Variants in CHRM3 observed in about 807,000 individuals in gnomAD.
The protein encoded by CHRM3 is muscarinic acetylcholine receptor M3.
CHRM3 carries 11 observed loss-of-function variants against 41.8 expected under a neutral mutation model. The observed-to-expected ratio is 0.26, with a 90% CI of 0.17 to 0.44. The LOEUF (loss-of-function observed/expected upper bound fraction) is 0.44, where lower values mean the gene tolerates loss of function less well. Among genes scored for constraint, CHRM3 ranks in the 20% least tolerant of loss-of-function variants. The probability of loss-of-function intolerance (pLI) is 1.00; values close to 1 mark genes in which losing one functional copy is unlikely to be tolerated. For synonymous variants in CHRM3, 297 were observed against 301.4 expected, an observed-to-expected ratio of 0.99 and a Z score of 0.15; for missense variants, 571 against 745.4, an observed-to-expected ratio of 0.77 and a Z score of 2.72.
chr1:239,581,470 G>GATGT (rs1662895940), intron 3 of CHRM3, among the ~76,000 whole-genome samples: 1 of 72,078 alleles, frequency 1.4e-5, no homozygotes, highest in Non-Finnish European at 2.8e-5. Flanking sequence ...GGGTGGGGGG[G>GATGT]ATGTATGTAT....
chr1:239,804,350 T>TA (rs111355268), intron 5 of CHRM3, among the ~76,000 whole-genome samples: 2,064 of 151,804 alleles, frequency 0.014, 48 homozygotes, highest in African/African-American at 0.045. Flanking sequence ...GTGTTTTTTT[T>TA]TTATTATTAT....
At chr1:239,807,839 CACACACAT>C (rs961102805) in intron 5 of CHRM3, among the ~76,000 whole-genome samples, 2 of 151,254 alleles carry the variant, frequency 1.3e-5, no homozygotes, top group African/African-American at 2.4e-5. Context: ...CACACACACA[CACACACAT>C]ACACACACAC....
intron 4 of CHRM3, among the ~76,000 whole-genome samples, chr1:239,640,550 T>C (rs376040116): frequency 1.8e-4 from 27 of 152,250 alleles, no homozygotes; most frequent in South Asian, 1.5e-3. Context: ...AGTTTATTTG[T>C]GTAGAGGTGT....
At chr1:239,894,337 TGTG>T (rs749202961) in intron 6 of CHRM3, among the ~76,000 whole-genome samples, 1 of 152,228 alleles carries the variant, frequency 6.6e-6, no homozygotes, top group Non-Finnish European at 1.5e-5. Context: ...GTGGATGCCT[TGTG>T]GTGGCCGCCT....
chr1:239,796,135 A>G (rs1036191603), intron 5 of CHRM3, among the ~76,000 whole-genome samples: 2 of 152,144 alleles, frequency 1.3e-5, no homozygotes, highest in African/African-American at 4.8e-5. Flanking sequence ...TATATTAAAT[A>G]CATACCTAGA....
At chr1:239,476,789 G>A (rs1020519069) in intron 1 of CHRM3, among the ~76,000 whole-genome samples, 4 of 152,092 alleles carry the variant, frequency 2.6e-5, no homozygotes, top group African/African-American at 9.7e-5. Flanking sequence ...TATGCTCAAT[G>A]TTTTCTTCAA....
intron 3 of CHRM3, among the ~76,000 whole-genome samples, chr1:239,578,053 A>G (rs1662537773): frequency 6.6e-6 from 1 of 152,170 alleles, no homozygotes; most frequent in African/African-American, 2.4e-5. Context: ...AGAATGGAAA[A>G]CTAATGGTTT....
At chr1:239,448,296 G>A (rs989171081) in intron 1 of CHRM3, among the ~76,000 whole-genome samples, 11 of 152,128 alleles carry the variant, frequency 7.2e-5, no homozygotes, top group Non-Finnish European at 1.6e-4. Context: ...GGTTCTGTAA[G>A]GGAGATGCAA....
rs373631488 is a variant in CHRM3, at chr1:239,695,263, G to GC, written c.-147+16977dup. On this transcript the variant is annotated intron_variant, in intron 5 of 6. Transcript: ENST00000676153. ...CTGACCTCGTGATCCACCCGCCTCC[G>GC]CCTCCCAAAGTGCTGGGATTACAGG... Among the ~76,000 whole-genome samples the GC allele has an allele frequency of 5.0e-3, 768 of 152,148 alleles. 4 individuals carry two copies. Among genetic ancestry groups the GC allele is most frequent in the African/African-American group, 0.018 (741 of 41,528 alleles).
rs76807132 is a variant in CHRM3, at chr1:239,648,598, C to T, written c.-250+16312C>T. Among the ~76,000 whole-genome samples, 7 of 152,084 alleles carry T rather than the reference C, an allele frequency of 4.6e-5. No individual in the cohort carries two copies. In the East Asian group the frequency reaches 1.4e-3, roughly 29 times the overall value. On this transcript the variant is annotated intron_variant, in intron 4 of 6. Transcript: ENST00000676153. ...GATGAGGGGGAATTCTGGAGAGGAG[C>T]GAGCAAAAGGGAATATGGTGATTTC...
At chr1:239,624,504 T>C (rs1668815596) in intron 3 of CHRM3, among the ~76,000 whole-genome samples, 1 of 144,154 alleles carries the variant, frequency 6.9e-6, no homozygotes, top group Non-Finnish European at 1.5e-5. Context: ...TTGAGTTTAA[T>C]TAGATCCCAT....
rs1331340359 is a variant in CHRM3, at chr1:239,684,764, AAG to A, written c.-147+6478_-147+6479del. Among the ~76,000 whole-genome samples the A allele has an allele frequency of 2.7e-5, 4 of 145,470 alleles. No individual in the cohort carries two copies. The East Asian group carries it at 8.0e-4, about 29-fold the overall frequency. On this transcript the variant is annotated intron_variant, in intron 5 of 6. Coordinates refer to ENST00000676153, the MANE Select transcript of CHRM3 (RefSeq NM_001375978.1). ...AGAAAGAAAGAGAAAGAAAGAAAGAAAGAAAGAGAAAGAGAAAGAAAAGAGAA... is the reference window on the plus strand; with the variant it reads ...AGAAAGAAAGAGAAAGAAAGAAAGAAAAAGAGAAAGAGAAAGAAAAGAGAA...
Position 239,596,555 on chromosome 1 carries a change from C to T in CHRM3, c.-312-35669C>T, listed in dbSNP as rs191366824. Reference sequence around the variant, plus strand: ...GCAAGATAACTATGCCATTTCTTTTCGATGGATCAAAATATATTTCAAAGA... The same window carrying T: ...GCAAGATAACTATGCCATTTCTTTTTGATGGATCAAAATATATTTCAAAGA... On this transcript the variant is annotated intron_variant, in intron 3 of 6. Coordinates refer to ENST00000676153, the MANE Select transcript of CHRM3 (RefSeq NM_001375978.1). 2.1e-4 allele frequency among the ~76,000 whole-genome samples: 32 copies of T among 152,046 alleles called. No individual in the cohort carries two copies. The South Asian group carries it at 5.6e-3, about 27-fold the overall frequency.
At chr1:239,795,821 A>G (rs1233326997) in intron 5 of CHRM3, among the ~76,000 whole-genome samples, 1 of 152,220 alleles carries the variant, frequency 6.6e-6, no homozygotes, top group Non-Finnish European at 1.5e-5. Context: ...GTTTTGAAAT[A>G]AAATTGAAAT....
chr1:239,802,215 G>C lies in CHRM3; in HGVS notation c.-146-25037G>C, dbSNP rs199889317. Among the ~76,000 whole-genome samples the C allele has an allele frequency of 3.9e-5, 6 of 152,080 alleles. No homozygotes were observed. The East Asian group carries it at 1.2e-3, about 29-fold the overall frequency. On this transcript the variant is annotated intron_variant, in intron 5 of 6. Transcript: ENST00000676153. ...TGACTGATATCATTGGTAGATCCCA[G>C]GGTATGCAAAAACCTTGAATTTTAT...
chr1:239,403,815 T>C (rs1038220679), intron 1 of CHRM3, among the ~76,000 whole-genome samples: 21 of 151,826 alleles, frequency 1.4e-4, no homozygotes, highest in Non-Finnish European at 1.9e-4. Flanking sequence ...ACCTTGGGGA[T>C]TGAAAGCAGA....
intron 5 of CHRM3, among the ~76,000 whole-genome samples, chr1:239,753,209 C>T (rs1665972624): frequency 6.6e-6 from 1 of 152,134 alleles, no homozygotes; most frequent in Non-Finnish European, 1.5e-5. Flanking sequence ...GTCATTATAA[C>T]TTTCTGAAGG....
chr1:239,735,423 AT>A (rs61138349), intron 5 of CHRM3, among the ~76,000 whole-genome samples: 8,622 of 151,988 alleles, frequency 0.057, 350 homozygotes, highest in South Asian at 0.16. Flanking sequence ...ATGAGAGGCA[AT>A]TTTTTTTCCT....
chr1:239,517,932 C>T (rs1273455391), intron 2 of CHRM3, among the ~76,000 whole-genome samples: 1 of 152,032 alleles, frequency 6.6e-6, no homozygotes, highest in Non-Finnish European at 1.5e-5. Flanking sequence ...ATGGTGAAAC[C>T]CCGTGTCTAC....
Sources: gnomAD v4.1 joint callset for allele counts (sites outside exome capture counted in the v4.1 genomes callset) on GRCh38, gnomAD v4.1.1 for gene constraint, MANE v1.5 for transcripts, NCBI Gene and HGNC (gene_info 2026-07-23, HGNC 2026-07-21) for gene names.